Variants in IFT140 observed in about 807,000 individuals in gnomAD.
IFT140 encodes intraflagellar transport protein 140 homolog.
In IFT140, 133 loss-of-function variants were observed where a neutral mutation model predicts 164.6. The ratio of observed to expected loss-of-function variants is 0.81; its 90% CI spans 0.70 to 0.93. The LOEUF (loss-of-function observed/expected upper bound fraction) is 0.93. IFT140 is among the 40% of genes least tolerant of loss of function. IFT140 has a pLI of 0.00. For missense variants in IFT140, 2,045 were observed against 1,972.3 expected, an observed-to-expected ratio of 1.04 and a Z score of -0.70; for synonymous variants, 860 against 817.3, an observed-to-expected ratio of 1.05 and a Z score of -0.89.
At chr16:1,581,172 A>C (rs2034539224) in intron 12 of IFT140, among the ~76,000 whole-genome samples, 1 of 152,202 alleles carries the variant, frequency 6.6e-6, no homozygotes, top group African/African-American at 2.4e-5. Flanking sequence ...CAACACACCC[A>C]GTTAAGCAAA....
chr16:1,540,138 G>A (rs1332102570), intron 19 of IFT140, among the ~76,000 whole-genome samples: 1 of 152,202 alleles, frequency 6.6e-6, no homozygotes, highest in African/African-American at 2.4e-5. Context: ...AGACTGAGAC[G>A]ATCCCACACA....
At chr16:1,597,667 T>C (rs549833387) in intron 4 of IFT140, among the ~76,000 whole-genome samples, 1 of 152,230 alleles carries the variant, frequency 6.6e-6, no homozygotes, top group Non-Finnish European at 1.5e-5. Context: ...TCCAGCACAA[T>C]CTTAGATTTT....
At chr16:1,590,665 A>C (rs1323501789) in intron 6 of IFT140, among the ~76,000 whole-genome samples, 1 of 152,174 alleles carries the variant, frequency 6.6e-6, no homozygotes, top group Non-Finnish European at 1.5e-5. Flanking sequence ...TTGGGGACTC[A>C]GGCTCATTTT....
intron 19 of IFT140, chr16:1,541,285 G>T: frequency 1.0e-6 from 1 of 985,348 alleles, no homozygotes; most frequent in Non-Finnish European, 1.2e-6. Flanking sequence ...GAGGTGAGGG[G>T]GGCAGGTGGG....
chr16:1,517,315 G>A (rs1250546045), intron 30 of IFT140, among the ~76,000 whole-genome samples: 9 of 149,234 alleles, frequency 6.0e-5, no homozygotes, highest in South Asian at 2.1e-4. Context: ...GCGCCACTGC[G>A]CTCCAGCCTG....
chr16:1,600,944 CAACT>C (rs1374201557), intron 4 of IFT140, among the ~76,000 whole-genome samples: 2 of 151,606 alleles, frequency 1.3e-5, no homozygotes, highest in Non-Finnish European at 2.9e-5. Context: ...ACTAACCAAC[CAACT>C]GACCAGGGAA....
Position 1,602,535 on chromosome 16 carries a change from G to A in IFT140, c.204C>T (p.Cys68=). Residue 68 remains cysteine (C), a synonymous_variant, in exon 4 of 31, where the codon TGC becomes TGT. Transcript: ENST00000426508. ...VERPFRVASL[C]WHPTRLVLAV... is the part of the protein sequence containing the mutation. Reference sequence around the variant, plus strand: ...CCAGCACCAGCCGCGTCGGGTGCCAGCACAGGGAAGCAACCCGGAACGGCC... The same window carrying A: ...CCAGCACCAGCCGCGTCGGGTGCCAACACAGGGAAGCAACCCGGAACGGCC... 6.2e-7 allele frequency: 1 copy of A among 1,614,056 alleles called. No individual in the cohort carries two copies. Among genetic ancestry groups the A allele is most frequent in the Non-Finnish European group, 8.5e-7 (1 of 1,180,042 alleles).
chr16:1,515,767 AAAGT>A (rs1364023410), intron 30 of IFT140, among the ~76,000 whole-genome samples: 1 of 152,214 alleles, frequency 6.6e-6, no homozygotes, highest in Non-Finnish European at 1.5e-5. Context: ...AGATTAACGA[AAAGT>A]AAGAAAATTC....
At chr16:1,534,550 T>A (rs2030863381) in intron 19 of IFT140, 4 of 1,602,648 alleles carry the variant, frequency 2.5e-6, no homozygotes, top group Non-Finnish European at 2.5e-6. Flanking sequence ...CGAGGCACCG[T>A]CAAACGTAAG....
At chr16:1,534,105 C>A in intron 19 of IFT140, 4 of 772,120 alleles carry the variant, frequency 5.2e-6, no homozygotes, top group Non-Finnish European at 7.9e-6. Context: ...AGGATAAGGC[C>A]GGGCCGAGAG....
chr16:1,515,921 A>C (rs183320090), intron 30 of IFT140, among the ~76,000 whole-genome samples: 89 of 152,200 alleles, frequency 5.8e-4, no homozygotes, highest in African/African-American at 2.0e-3. Flanking sequence ...CAGGCAGATC[A>C]CCTGAGGTTG....
chr16:1,607,351 T>C (rs1462101360), intron 2 of IFT140, 54 bp from the exon 3 acceptor site: 1 of 1,401,830 alleles, frequency 7.1e-7, no homozygotes, highest in Non-Finnish European at 9.8e-7. Flanking sequence ...AAACAAACAA[T>C]ATGACTGTAC....
chr16:1,611,550 C>G (rs1286953261), intron 1 of IFT140, among the ~76,000 whole-genome samples: 1 of 150,600 alleles, frequency 6.6e-6, no homozygotes, highest in Non-Finnish European at 1.5e-5. Flanking sequence ...CGCGGTGGCT[C>G]ACGCCTGCAA....
chr16:1,554,013 C>G (rs1409740422), intron 19 of IFT140: 1 of 1,287,096 alleles, frequency 7.8e-7, no homozygotes, highest in Non-Finnish European at 1.0e-6. Flanking sequence ...TTGCTCACGG[C>G]CCACCTCTCC....
intron 30 of IFT140, among the ~76,000 whole-genome samples, chr16:1,517,860 CAG>C (rs2040409590): frequency 6.6e-6 from 1 of 151,880 alleles, no homozygotes; most frequent in Non-Finnish European, 1.5e-5. Flanking sequence ...TCTTTTGAGA[CAG>C]GGTCTCGCTC....
chr16:1,534,565 A>C (rs375107209), intron 19 of IFT140: 5 of 1,600,606 alleles, frequency 3.1e-6, no homozygotes, highest in Non-Finnish European at 4.2e-6. Flanking sequence ...CGTAAGTCCA[A>C]TTGTTTTCCT....
At position 1,562,049 on chromosome 16, in the gene IFT140, G is replaced by A. The variant is rs2033439353; in HGVS notation, c.2135C>T (p.Pro712Leu). ...EHGFLLHESFPRPATSHSLLG... is the reference protein window; with the variant it reads ...EHGFLLHESFLRPATSHSLLG... ...GAGACTGTGGGAGGTGGCAGGCCGG[G>A]GGAAGCTCTCATGAAGCAGGAAGCC... The change falls in exon 18 of 31, where the codon CCC (proline) becomes CTC (leucine). Residue 712 changes from proline (P) to leucine (L), a missense_variant. Physicochemically the swap from Pro to Leu is moderately conservative, Grantham distance 98. Coordinates refer to ENST00000426508, the MANE Select transcript of IFT140 (RefSeq NM_014714.4). 1 of 1,612,280 alleles carries A rather than the reference G, an allele frequency of 6.2e-7. No individual in the cohort carries two copies. The highest frequency in any genetic ancestry group is 8.5e-7 in the Non-Finnish European group (1 of 1,179,192).
chr16:1,581,774 G>GGGAGC (rs1322350216), intron 12 of IFT140, among the ~76,000 whole-genome samples: 1 of 100,406 alleles, frequency 1.0e-5, no homozygotes, highest in Non-Finnish European at 2.1e-5. Context: ...GGGAGGGGAG[G>GGGAGC]GGAGCGGAGG....
intron 2 of IFT140, 56 bp downstream of exon 2, chr16:1,610,608 C>T (rs917411192): frequency 6.6e-6 from 1 of 152,346 alleles, no homozygotes; most frequent in Non-Finnish European, 1.5e-5. Context: ...CGGCCCCAAA[C>T]CCCGGCCTGG....
Sources: gnomAD v4.1 joint callset for allele counts (sites outside exome capture counted in the v4.1 genomes callset) on GRCh38, gnomAD v4.1.1 for gene constraint, MANE v1.5 for transcripts, NCBI Gene and HGNC (gene_info 2026-07-23, HGNC 2026-07-21) for gene names.